Variants in LHB observed in about 807,000 individuals in gnomAD.
LHB encodes the protein luteinizing hormone subunit beta.
In LHB, 11 loss-of-function variants were observed where a neutral mutation model predicts 10.6. The observed-to-expected ratio is 1.04, with a 90% CI of 0.66 to 1.72. LHB has a LOEUF of 1.72. Ranked by LOEUF, LHB falls within the 40% of genes most tolerant of loss-of-function variation. LHB has a pLI of 0.00. For synonymous variants in LHB, 86 were observed against 83.1 expected, an observed-to-expected ratio of 1.03 and a Z score of -0.19; for missense variants, 184 against 197.3, an observed-to-expected ratio of 0.93 and a Z score of 0.41.
upstream of LHB, chr19:49,018,353 G>A: frequency 2.5e-6 from 3 of 1,218,018 alleles, no homozygotes; most frequent in Non-Finnish European, 3.1e-6. Context: ...GTGGGAGCAG[G>A]GCGGGATGGT....
At chr19:49,016,857 C>T in intron 1 of LHB, 143 bp from the exon 2 acceptor site, 4 of 1,570,612 alleles carry the variant, frequency 2.5e-6, no homozygotes, top group Non-Finnish European at 3.4e-6. Flanking sequence ...CGGACACCTG[C>T]CTTTCAGAGC....
At chr19:49,017,524 G>A, upstream of LHB, 1 of 1,119,884 alleles carries the variant, frequency 8.9e-7, no homozygotes, top group Non-Finnish European at 1.1e-6. Flanking sequence ...TTCGGACTTA[G>A]CTTCTGCCCA....
chr19:49,016,156 C>T lies in LHB; in HGVS notation c.338G>A (p.Cys113Tyr), dbSNP rs2039547012. 6.2e-7 allele frequency: 1 copy of T among 1,612,626 alleles called. No individual in the cohort carries two copies. The highest frequency in any genetic ancestry group is 1.7e-5 in the Admixed American group (1 of 60,004). Residue 113 changes from cysteine (C) to tyrosine (Y), a missense_variant, in exon 3 of 3, where the codon TGC becomes TAC. Transcript: ENST00000649238. ...PVALSCRCGPCRRSTSDCGGP... is the reference protein window; with the variant it reads ...PVALSCRCGPYRRSTSDCGGP... ...CCCACAGTCAGAGGTGCTGCGGCGG[C>T]AGGGTCCACAGCGACAGCTGAGAGC... is the stretch of plus-strand genomic sequence containing the variant.
rs375879463 is a variant in LHB at position 49,016,590 on chromosome 19, A to T, written c.140T>A (p.Ile47Asn). Residue 47 changes from isoleucine (I) to asparagine (N), a missense_variant, in exon 2 of 3, where the codon ATC becomes AAC. Ile to Asn is a moderately radical substitution (Grantham distance 149). Coordinates refer to ENST00000649238, the MANE Select transcript of LHB (RefSeq NM_000894.3). Reference protein sequence around the residue: ...AVEKEGCPVCITVNTTICAGY... With the variant: ...AVEKEGCPVCNTVNTTICAGY... ...GGCACAGATGGTGGTGTTGACGGTG[A>T]TGCACACTGGGCAGCCCTCCTTCTC... 17 of 1,610,984 alleles carry T rather than the reference A, an allele frequency of 1.1e-5. No homozygotes were observed. The highest frequency in any genetic ancestry group is 2.2e-5 in the South Asian group (2 of 90,988).
upstream of LHB, chr19:49,017,750 G>A (rs1280390179): frequency 4.7e-6 from 2 of 421,826 alleles, no homozygotes; most frequent in Non-Finnish European, 8.1e-6. Context: ...CTTGCCCCCG[G>A]GGCCACAGCC....
chr19:49,018,473 C>T, upstream of LHB: 1 of 511,146 alleles, frequency 2.0e-6, no homozygotes, highest in East Asian at 3.5e-5. Flanking sequence ...AGGACGCGAC[C>T]CGGCACGCGT....
At chr19:49,019,013 G>C (rs559506572), upstream of LHB, 133 of 1,529,304 alleles carry the variant, frequency 8.7e-5, 1 homozygote, top group South Asian at 8.7e-4. Flanking sequence ...GAGCAAGATT[G>C]GGGGAGGAGG....
chr19:49,019,214 C>T (rs2039599647), upstream of LHB: 6 of 1,385,768 alleles, frequency 4.3e-6, no homozygotes, highest in Non-Finnish European at 5.6e-6. Context: ...CCAGCCTCAC[C>T]TCCCTAAATC....
upstream of LHB, chr19:49,018,854 G>T (rs2039596585): frequency 5.9e-6 from 9 of 1,526,742 alleles, no homozygotes; most frequent in South Asian, 3.6e-5. Context: ...AGGCGGTGCC[G>T]AGCGAGAGCC....
rs767060985 is a variant in LHB at position 49,016,351 on chromosome 19, G to A, written c.184-41C>T. On this transcript the variant is annotated intron_variant, in intron 2 of 2. Coordinates refer to ENST00000649238, the MANE Select transcript of LHB (RefSeq NM_000894.3). ...GTGGGGGAATGAGCATGTGCCTGAGGCCAGCGCCTCAGCTGAGCTCCCAAG... is the reference window on the plus strand; with the variant it reads ...GTGGGGGAATGAGCATGTGCCTGAGACCAGCGCCTCAGCTGAGCTCCCAAG... 1.9e-6 allele frequency: 3 copies of A among 1,606,420 alleles called. No individual in the cohort carries two copies. In the East Asian group the frequency reaches 6.7e-5, roughly 36 times the overall value.
At chr19:49,016,479 C>T (rs1196794936) in intron 2 of LHB, 68 bp downstream of exon 2, 4 of 1,604,020 alleles carry the variant, frequency 2.5e-6, no homozygotes, top group Non-Finnish European at 3.4e-6. Flanking sequence ...ACCACCCTTC[C>T]TCCCCCGCTG....
chr19:49,016,023 G>A lies in LHB; in HGVS notation c.*45C>T. The A allele has an allele frequency of 1.2e-6, 2 of 1,614,028 alleles. No homozygotes were observed. Among genetic ancestry groups the A allele is most frequent in the East Asian group, 2.2e-5 (1 of 44,880 alleles). ...TATTGTGGGAGGATCGGGGTGTCAG[G>A]GCTCCAGGAGTCGGGATGGACTTGG... On this transcript the variant is annotated 3_prime_UTR_variant, in exon 3 of 3. Coordinates refer to ENST00000649238, the MANE Select transcript of LHB (RefSeq NM_000894.3).
At chr19:49,019,416 AC>A (rs2039601397), upstream of LHB, 1 of 1,253,118 alleles carries the variant, frequency 8.0e-7, no homozygotes, top group Non-Finnish European at 1.0e-6. Flanking sequence ...TCTCCTCCCC[AC>A]CCACAGCCCG....
In LHB at chr19:49,016,740, A is replaced by G. The variant is rs4002462; in HGVS notation, c.16-26T>C. 0.57 allele frequency: 871,494 copies of G among 1,532,984 alleles called. 254,672 individuals carry two copies. Among genetic ancestry groups the G allele is most frequent in the African/African-American group, 0.73 (53,244 of 73,290 alleles). 95.0% of individuals were successfully genotyped at this position (1,532,984 alleles called of 1,614,324 possible). On this transcript the variant is annotated intron_variant, in intron 1 of 2. Transcript: ENST00000649238. ...CTGGGACAAGGACACTGCTTCACCCAGGTCTGAGACCGCAGCCCCGAGTCC... is the reference window on the plus strand; with the variant it reads ...CTGGGACAAGGACACTGCTTCACCCGGGTCTGAGACCGCAGCCCCGAGTCC...
At chr19:49,017,722 C>A (rs1465400271), upstream of LHB, 1 of 471,690 alleles carries the variant, frequency 2.1e-6, no homozygotes, top group Non-Finnish European at 3.4e-6. Context: ...TTATTTAATA[C>A]GCCCGCAGGG....
chr19:49,019,264 C>G (rs116970994), upstream of LHB: 20,105 of 1,298,888 alleles, frequency 0.015, 210 homozygotes, highest in Middle Eastern at 0.041. Context: ...AACCCAAGCC[C>G]CCAGCCACCA....
In LHB at chr19:49,016,531, G is replaced by C. The variant is rs2039556839; in HGVS notation, c.183+16C>G. ...CCTGAGGTGGCAGCATCTGCCCCTG[G>C]CCCCAGGCAGCTCACCATGGTGGGG... On this transcript the variant is annotated intron_variant, in intron 2 of 2. Transcript: ENST00000649238. 6.3e-7 allele frequency: 1 copy of C among 1,597,662 alleles called. No individual in the cohort carries two copies. The highest frequency in any genetic ancestry group is 8.5e-7 in the Non-Finnish European group (1 of 1,176,086).
rs149893726 is a variant in LHB at position 49,016,922 on chromosome 19, C to T, written c.15+145G>A. ...CCCCAACATTTCAGATCCCCACCCTCAGGAACTGCCCCACCTGAAGCTTAC... is the reference window on the plus strand; with the variant it reads ...CCCCAACATTTCAGATCCCCACCCTTAGGAACTGCCCCACCTGAAGCTTAC... On this transcript the variant is annotated intron_variant, in intron 1 of 2. Coordinates refer to ENST00000649238, the MANE Select transcript of LHB (RefSeq NM_000894.3). 4.4e-5 allele frequency: 71 copies of T among 1,602,998 alleles called. 1 individual carries two copies. The highest frequency in any genetic ancestry group is 4.2e-4 in the South Asian group (38 of 90,218).
At position 49,017,083 on chromosome 19, in the gene LHB, C is replaced by T; in HGVS notation, c.-2G>A. ...TAGTCTTACCTGGAGCATCTCCATCCTTGGTGCATCCCCTGCCTCGTGTAT... is the reference window on the plus strand; with the variant it reads ...TAGTCTTACCTGGAGCATCTCCATCTTTGGTGCATCCCCTGCCTCGTGTAT... On this transcript the variant is annotated 5_prime_UTR_variant, in exon 1 of 3. Transcript: ENST00000649238. 1 of 1,613,942 alleles carries T rather than the reference C, an allele frequency of 6.2e-7. No individual in the cohort carries two copies. The highest frequency in any genetic ancestry group is 8.5e-7 in the Non-Finnish European group (1 of 1,179,834).
Sources: gnomAD v4.1 joint callset for allele counts on GRCh38, gnomAD v4.1.1 for gene constraint, MANE v1.5 for transcripts, NCBI Gene and HGNC (gene_info 2026-07-23, HGNC 2026-07-21) for gene names.